Variants in NUP98 observed in about 807,000 individuals in gnomAD.
NUP98 encodes nucleoporin 98 and 96 precursor, also known as nuclear pore complex protein Nup98-Nup96.
A neutral mutation model predicts 191.9 loss-of-function variants in NUP98; 26 were observed. That is an observed-to-expected ratio of 0.14 (90% CI 0.10 to 0.19). NUP98 has a LOEUF of 0.19. Among genes scored for constraint, NUP98 ranks in the 10% least tolerant of loss-of-function variants. The probability of loss-of-function intolerance (pLI) is 1.00; values close to 1 mark genes in which losing one functional copy is unlikely to be tolerated. For missense variants in NUP98, 1,941 were observed against 2,178.8 expected (o/e 0.89, Z 2.17); for synonymous variants, 808 against 778.4 (o/e 1.04, Z -0.63).
In NUP98 at chr11:3,744,646, A is replaced by C. The variant is rs771067512; in HGVS notation, c.1271T>G (p.Leu424Arg). 3.7e-6 allele frequency: 6 copies of C among 1,602,392 alleles called. No homozygotes were observed. Among genetic ancestry groups the C allele is most frequent in the Non-Finnish European group, 5.1e-6 (6 of 1,176,008 alleles). Residue 424 changes from leucine to arginine, a missense_variant, in exon 12 of 33, where the codon CTT becomes CGT. By Grantham distance (102) the Leu-to-Arg change is moderately radical (BLOSUM62 -2). Around this residue, in one of 6 missense-constraint regions of NUP98, gnomAD observed 453 missense variants for 438.2 expected, o/e 1.03. Coordinates refer to ENST00000324932, the MANE Select transcript of NUP98 (RefSeq NM_016320.5). ...AAACAAAGATGCCTGTCCAGCACCA[A>C]GAGCTACGGAGACAAGAGGAAAGAA... ...TGLGAGFGTA[L>R]GAGQASLFGN...
In NUP98 at chr11:3,724,905, A is replaced by C. The variant is rs191757262; in HGVS notation, c.1847+198T>G. On this transcript the variant is annotated intron_variant, in intron 15 of 32. Coordinates refer to ENST00000324932, the MANE Select transcript of NUP98 (RefSeq NM_016320.5). ...ATACCAAAATAGTTCTGAAGCACTA[A>C]ATCAGAACTCCAATAATTTTAAGGT... Among the ~76,000 whole-genome samples, 218 of 152,278 alleles carry C rather than the reference A, an allele frequency of 1.4e-3. 2 individuals carry two copies. Among genetic ancestry groups the C allele is most frequent in the Non-Finnish European group, 7.6e-4 (52 of 68,018 alleles).
rs2078607772 is a variant in NUP98 at position 3,699,348 on chromosome 11, A to G, written c.3743T>C (p.Ile1248Thr). The change falls in exon 25 of 33, where the codon ATT (isoleucine) becomes ACT (threonine). Residue 1248 changes from isoleucine to threonine, a missense_variant and splice_region_variant. Physicochemically the swap from Ile to Thr is moderately conservative, Grantham distance 89 (BLOSUM62 -1). Around this residue, in one of 6 missense-constraint regions of NUP98, gnomAD observed 1,030 missense variants for 1,115.8 expected, o/e 0.92. Transcript: ENST00000324932. Reference sequence around the variant, plus strand: ...CCATGTCAGGCTCCAGTGCTTCACAACTAAGGCAGGAAGAGAAAAACAATG... The same window carrying G: ...CCATGTCAGGCTCCAGTGCTTCACAGCTAAGGCAGGAAGAGAAAAACAATG... ...EASGDLPEAQIVKHWSLTWTL... is the reference protein window; with the variant it reads ...EASGDLPEAQTVKHWSLTWTL... 2.5e-6 allele frequency: 4 copies of G among 1,612,386 alleles called. No homozygotes were observed. The highest frequency in any genetic ancestry group is 3.4e-6 in the Non-Finnish European group (4 of 1,178,542).
rs114604858 is a variant in NUP98, at chr11:3,783,398, A to T, written c.-28-1253T>A. On this transcript the variant is annotated intron_variant, in intron 1 of 32. Transcript: ENST00000324932. ...GTGAGACAATGTCTCAAAAACAAAT[A>T]AAAAAAACTGCTCACCTTGGCTGGG... is the stretch of plus-strand genomic sequence containing the variant. Among the ~76,000 whole-genome samples the T allele has an allele frequency of 4.5e-3, 685 of 151,878 alleles. 2 individuals are homozygous for T. Among genetic ancestry groups the T allele is most frequent in the African/African-American group, 0.015 (614 of 41,366 alleles).
At chr11:3,696,532 G>T (rs1211252384) in intron 25 of NUP98, among the ~76,000 whole-genome samples, 7 of 151,744 alleles carry the variant, frequency 4.6e-5, no homozygotes, top group Non-Finnish European at 1.0e-4. Flanking sequence ...AAAAAGGCCG[G>T]AGGCAGTGGT....
Position 3,699,235 on chromosome 11 carries a change from T to C in NUP98, c.3856A>G (p.Arg1286Gly), listed in dbSNP as rs766031553. Reference protein sequence around the residue: ...PREYIQILERRRAFSRWLSCT... With the variant: ...PREYIQILERGRAFSRWLSCT... Reference sequence around the variant, plus strand: ...GATAGCCAGCGGGAGAAAGCTCTTCTTCGCTCCAGAATTTGAATGTATTCA... The same window carrying C: ...GATAGCCAGCGGGAGAAAGCTCTTCCTCGCTCCAGAATTTGAATGTATTCA... Residue 1286 changes from arginine to glycine, a missense_variant, in exon 25 of 33, where the codon AGA (arginine) becomes GGA (glycine). Arg to Gly is a moderately radical substitution (Grantham distance 125). Transcript: ENST00000324932. The C allele has an allele frequency of 1.2e-6, 2 of 1,614,194 alleles. No individual in the cohort carries two copies. Among genetic ancestry groups the C allele is most frequent in the Non-Finnish European group, 1.7e-6 (2 of 1,180,038 alleles).
intron 12 of NUP98, among the ~76,000 whole-genome samples, chr11:3,743,175 T>C (rs1419317644): frequency 6.6e-6 from 1 of 151,752 alleles, no homozygotes; most frequent in Middle Eastern, 3.4e-3. Context: ...CATGCCATCA[T>C]GCCCAGCTAA....
At chr11:3,740,203 A>G (rs1402873429) in intron 12 of NUP98, among the ~76,000 whole-genome samples, 2 of 152,062 alleles carry the variant, frequency 1.3e-5, no homozygotes, top group South Asian at 2.1e-4. Context: ...GAAAACAGGA[A>G]GAGGAAAGAA....
At chr11:3,793,585 AGCT>A (rs2082426942) in intron 1 of NUP98, among the ~76,000 whole-genome samples, 1 of 151,782 alleles carries the variant, frequency 6.6e-6, no homozygotes, top group African/African-American at 2.4e-5. Flanking sequence ...ACACCCGGCC[AGCT>A]ACCACTATAT....
At position 3,797,512 on chromosome 11, in the gene NUP98, A is replaced by G. The variant is rs1362187392; in HGVS notation, c.-141T>C. Reference sequence around the variant, plus strand: ...CGCCGCCGCCGCTACCACCCCTGCCACCGACCGCCGCTTCGGGCGCAGCGC... The same window carrying G: ...CGCCGCCGCCGCTACCACCCCTGCCGCCGACCGCCGCTTCGGGCGCAGCGC... On this transcript the variant is annotated 5_prime_UTR_variant, in exon 1 of 33. Transcript: ENST00000324932. 9.0e-6 allele frequency: 4 copies of G among 443,876 alleles called. No homozygotes were observed. Among genetic ancestry groups the G allele is most frequent in the African/African-American group, 6.2e-5 (3 of 48,676 alleles). The allele number at this position is 443,876 out of a possible 1,614,324, so 27.5% of individuals were successfully genotyped here. A position where few individuals can be genotyped will look rare whatever the true frequency, so the allele number is the denominator to read the frequency against.
intron 20 of NUP98, 86 bp downstream of exon 20, chr11:3,712,478 T>A: frequency 6.3e-7 from 1 of 1,577,604 alleles, no homozygotes; most frequent in Non-Finnish European, 8.6e-7. Context: ...CCAAGGGTCA[T>A]AAAACAGCTT....
chr11:3,695,667 T>A, intron 25 of NUP98, 61 bp from the exon 26 acceptor site: 1 of 1,170,416 alleles, frequency 8.5e-7, no homozygotes, highest in East Asian at 2.8e-5. Context: ...CGTCAAACAC[T>A]TGGGGGCATT....
intron 12 of NUP98, among the ~76,000 whole-genome samples, chr11:3,743,835 C>T (rs1303140432): frequency 1.3e-5 from 2 of 151,464 alleles, no homozygotes; most frequent in African/African-American, 2.4e-5. Flanking sequence ...GGGCGGATCA[C>T]GAGGTCAGGA....
At chr11:3,754,205 G>C (rs2080873540) in intron 10 of NUP98, among the ~76,000 whole-genome samples, 1 of 152,182 alleles carries the variant, frequency 6.6e-6, no homozygotes, top group Non-Finnish European at 1.5e-5. Flanking sequence ...AAGGTGGGCG[G>C]ATCATGAGGT....
intron 7 of NUP98, among the ~76,000 whole-genome samples, chr11:3,771,503 C>G (rs2081530536): frequency 6.6e-6 from 1 of 152,124 alleles, no homozygotes; most frequent in African/African-American, 2.4e-5. Flanking sequence ...CAACTTGCTC[C>G]TTCATCTTCT....
At chr11:3,706,955 A>G (rs2078880318) in intron 20 of NUP98, among the ~76,000 whole-genome samples, 1 of 152,222 alleles carries the variant, frequency 6.6e-6, no homozygotes, top group African/African-American at 2.4e-5. Context: ...GCTAGCAACT[A>G]CAATTTTCTG....
chr11:3,678,108 A>G (rs1312044055), intron 31 of NUP98, among the ~76,000 whole-genome samples: 1 of 150,958 alleles, frequency 6.6e-6, no homozygotes, highest in South Asian at 2.1e-4. Flanking sequence ...ACTGCCCTCC[A>G]GCCTGGGTGA....
chr11:3,706,519 G>A lies in NUP98; in HGVS notation c.2851C>T (p.Pro951Ser). 1.2e-6 allele frequency: 2 copies of A among 1,614,112 alleles called. No individual in the cohort carries two copies. The highest frequency in any genetic ancestry group is 1.7e-6 in the Non-Finnish European group (2 of 1,179,980). Residue 951 changes from proline to serine, a missense_variant, in exon 21 of 33, where the codon CCT becomes TCT. Coordinates refer to ENST00000324932, the MANE Select transcript of NUP98 (RefSeq NM_016320.5). The part of the protein sequence containing the change: ...VLDTMLEESM[P>S]EDQEPVSAST... The stretch of plus-strand genomic sequence containing the variant: ...GCAGACACAGGTTCCTGATCCTCAG[G>A]CATGCTCTCTTCTAACATGGTATCC...
chr11:3,760,424 G>C, intron 10 of NUP98, 115 bp downstream of exon 10: 2 of 1,429,640 alleles, frequency 1.4e-6, no homozygotes, highest in Non-Finnish European at 2.0e-6. Context: ...ATACGAATCA[G>C]GAGAATAACG....
intron 16 of NUP98, among the ~76,000 whole-genome samples, chr11:3,722,719 G>A (rs144582694): frequency 6.6e-6 from 1 of 152,050 alleles, no homozygotes; most frequent in Admixed American, 6.6e-5. Flanking sequence ...GGGTGGCTGA[G>A]ATGAGAGGTC....
Sources: gnomAD v4.1 joint callset for allele counts (sites outside exome capture counted in the v4.1 genomes callset) on GRCh38, gnomAD v4.1.1 for gene constraint, gnomAD v4.1.1 regional missense constraint, MANE v1.5 for transcripts, NCBI Gene and HGNC (gene_info 2026-07-23, HGNC 2026-07-21) for gene names.